SEMA6A: variants seen among roughly 807,000 people sequenced by gnomAD.
The protein encoded by SEMA6A is semaphorin 6A.
In SEMA6A, 25 loss-of-function variants were observed where a neutral mutation model predicts 96.8. The observed-to-expected ratio is 0.26, with a 90% CI of 0.19 to 0.36. The LOEUF (loss-of-function observed/expected upper bound fraction) is 0.36. Ranked by LOEUF, SEMA6A falls within the 10% of genes least tolerant of loss-of-function variation. SEMA6A has a pLI of 1.00. For synonymous variants in SEMA6A, 612 were observed against 518.0 expected, an observed-to-expected ratio of 1.18 and a Z score of -2.46; for missense variants, 1,363 against 1,323.1, an observed-to-expected ratio of 1.03 and a Z score of -0.47.
At chr5:116,487,095 CAAAAA>C (rs59861509) in intron 9 of SEMA6A, 129 bp from the exon 10 acceptor site, 2 of 446,300 alleles carry the variant, frequency 4.5e-6, no homozygotes, top group African/African-American at 4.3e-5. Context: ...AAATCAGTAA[CAAAAA>C]AAAAAAAGAA....
At position 116,446,999 on chromosome 5, in the gene SEMA6A, G is replaced by A. The variant is rs758158214; in HGVS notation, c.2707C>T (p.Arg903Trp). Residue 903 changes from arginine to tryptophan, a missense_variant, in exon 19 of 19, where the codon CGG (arginine) becomes TGG (tryptophan). By Grantham distance (101) the Arg-to-Trp change is moderately radical. This residue lies in a region of SEMA6A where 883 missense variants were observed against 763.6 expected (regional missense o/e 1.16). Coordinates refer to ENST00000343348, the MANE Select transcript of SEMA6A (RefSeq NM_020796.5). ...GAAGAGGAGTGGTGCATTTCCAGCC[G>A]CTTGCTTAGACCGGTCTGAGACAGG... ...ASLSQTGLSK[R>W]LEMHHSSSYG... is the part of the protein sequence containing the mutation. 37 of 1,613,762 alleles carry A rather than the reference G, an allele frequency of 2.3e-5. No homozygotes were observed. The highest frequency in any genetic ancestry group is 2.0e-4 in the Admixed American group (12 of 59,994).
intron 10 of SEMA6A, among the ~76,000 whole-genome samples, chr5:116,485,991 C>T (rs1321925631): frequency 3.3e-5 from 5 of 152,170 alleles, no homozygotes; most frequent in African/African-American, 7.2e-5. Context: ...TTTAGTTGCT[C>T]AAAGTCTTAG....
chr5:116,563,616 T>C (rs1242060423), intron 1 of SEMA6A, among the ~76,000 whole-genome samples: 1 of 152,254 alleles, frequency 6.6e-6, no homozygotes, highest in Non-Finnish European at 1.5e-5. Flanking sequence ...AAGTACTTTT[T>C]ACTTTTCTTA....
At chr5:116,547,125 T>C (rs762529056) in intron 1 of SEMA6A, among the ~76,000 whole-genome samples, 4 of 152,236 alleles carry the variant, frequency 2.6e-5, no homozygotes, top group Non-Finnish European at 5.9e-5. Context: ...AAAAGGACTT[T>C]AAAACAATTT....
chr5:116,561,345 A>G (rs191069330), intron 1 of SEMA6A, among the ~76,000 whole-genome samples: 248 of 152,352 alleles, frequency 1.6e-3, no homozygotes, highest in African/African-American at 4.9e-3. Flanking sequence ...GGGAAACGTT[A>G]TCTCCTTACT....
At chr5:116,573,738 C>T (rs1226358525) in intron 1 of SEMA6A, among the ~76,000 whole-genome samples, 1 of 152,124 alleles carries the variant, frequency 6.6e-6, no homozygotes, top group Non-Finnish European at 1.5e-5. Context: ...ATACCCAACC[C>T]CCTCCAGCCC....
chr5:116,543,245 C>T (rs961402359), intron 1 of SEMA6A, among the ~76,000 whole-genome samples: 1 of 152,084 alleles, frequency 6.6e-6, no homozygotes, highest in Admixed American at 6.6e-5. Context: ...TCTTACAAGG[C>T]GCTTGGGTCC....
intron 1 of SEMA6A, among the ~76,000 whole-genome samples, chr5:116,563,318 C>T (rs1471097570): frequency 2.0e-5 from 3 of 152,164 alleles, no homozygotes; most frequent in African/African-American, 7.2e-5. Flanking sequence ...AATGGTTCCT[C>T]TGAAGATTCA....
intron 1 of SEMA6A, among the ~76,000 whole-genome samples, chr5:116,531,395 C>T (rs1256515106): frequency 6.6e-6 from 1 of 152,110 alleles, no homozygotes; most frequent in Non-Finnish European, 1.5e-5. Context: ...CTCTGAGGCA[C>T]GTGGAGCCCT....
intron 18 of SEMA6A, among the ~76,000 whole-genome samples, chr5:116,454,307 C>A (rs1754847438): frequency 6.6e-6 from 1 of 152,138 alleles, no homozygotes; most frequent in African/African-American, 2.4e-5. Context: ...GGAGTAGCAT[C>A]CCCTAAAAAT....
chr5:116,564,957 T>C (rs1003160886), intron 1 of SEMA6A, among the ~76,000 whole-genome samples: 1 of 152,202 alleles, frequency 6.6e-6, no homozygotes, highest in Non-Finnish European at 1.5e-5. Flanking sequence ...CATGATGTCA[T>C]TTTATTTATT....
Position 116,446,967 on chromosome 5 carries a change from C to T in SEMA6A, c.2739G>A (p.Gly913=), listed in dbSNP as rs965795056. ...TGGGGTAGCTCCTCTTATAGTCAAC[C>T]CCGTAGGAAGAGGAGTGGTGCATTT... is the stretch of plus-strand genomic sequence containing the variant. The part of the protein sequence containing the change: ...RLEMHHSSSY[G]VDYKRSYPTN... Residue 913 remains glycine (G), a synonymous_variant, in exon 19 of 19, where the codon GGG becomes GGA. Transcript: ENST00000343348. The T allele has an allele frequency of 8.1e-6, 13 of 1,613,738 alleles. No homozygotes were observed. The highest frequency in any genetic ancestry group is 4.0e-5 in the African/African-American group (3 of 74,876).
At chr5:116,511,069 G>T (rs1394682626) in intron 1 of SEMA6A, among the ~76,000 whole-genome samples, 1 of 152,190 alleles carries the variant, frequency 6.6e-6, no homozygotes, top group Non-Finnish European at 1.5e-5. Context: ...AGTAAATACA[G>T]TCGTCCTTCA....
At chr5:116,538,040 T>A (rs1759798337) in intron 1 of SEMA6A, among the ~76,000 whole-genome samples, 1 of 152,176 alleles carries the variant, frequency 6.6e-6, no homozygotes, top group African/African-American at 2.4e-5. Context: ...CTGGGTGTGG[T>A]GGCGCATGCC....
chr5:116,487,658 A>C (rs1757127103), intron 9 of SEMA6A, among the ~76,000 whole-genome samples: 2 of 152,132 alleles, frequency 1.3e-5, no homozygotes, highest in Non-Finnish European at 2.9e-5. Flanking sequence ...TGAGGTCAGG[A>C]GTTCGAGACC....
In SEMA6A at chr5:116,496,255, T is replaced by A; in HGVS notation, c.338A>T (p.His113Leu). 1 of 1,613,664 alleles carries A rather than the reference T, an allele frequency of 6.2e-7. No individual in the cohort carries two copies. The highest frequency in any genetic ancestry group is 2.2e-5 in the East Asian group (1 of 44,858). The change falls in exon 5 of 19, where the codon CAT (histidine) becomes CTT (leucine). Residue 113 changes from histidine to leucine, a missense_variant. Coordinates refer to ENST00000343348, the MANE Select transcript of SEMA6A (RefSeq NM_020796.5). ...GGAGAAATGAAAATTGCCTACCTTA[T>A]GTTTTCCCTTCATTCTGCATGTGTC... Reference protein sequence around the residue: ...DVDTCRMKGKHKDECHNFIKV... With the variant: ...DVDTCRMKGKLKDECHNFIKV...
At chr5:116,458,769 A>G (rs1478109747) in intron 18 of SEMA6A, among the ~76,000 whole-genome samples, 1 of 152,080 alleles carries the variant, frequency 6.6e-6, no homozygotes, top group African/African-American at 2.4e-5. Flanking sequence ...TAATCTCATC[A>G]AGACCTTAGA....
chr5:116,571,227 C>G (rs553413105), intron 1 of SEMA6A, among the ~76,000 whole-genome samples: 1 of 152,158 alleles, frequency 6.6e-6, no homozygotes, highest in South Asian at 2.1e-4. Flanking sequence ...TATACTGGTT[C>G]TTATAAAATT....
At chr5:116,451,866 A>G (rs913612845) in intron 18 of SEMA6A, among the ~76,000 whole-genome samples, 1 of 152,208 alleles carries the variant, frequency 6.6e-6, no homozygotes, top group African/African-American at 2.4e-5. Flanking sequence ...AAGAGAAACT[A>G]TTTCAAAAAT....
Sources: gnomAD v4.1 joint callset for allele counts (sites outside exome capture counted in the v4.1 genomes callset) on GRCh38, gnomAD v4.1.1 for gene constraint, gnomAD v4.1.1 regional missense constraint, MANE v1.5 for transcripts, NCBI Gene and HGNC (gene_info 2026-07-23, HGNC 2026-07-21) for gene names.